Variants in R3HCC1 observed in about 807,000 individuals in gnomAD.
The protein encoded by R3HCC1 is R3H and coiled-coil domain-containing protein 1.
Under a neutral mutation model 40.0 loss-of-function variants are expected in R3HCC1, and 32 were observed. The observed-to-expected ratio is 0.80, with a 90% CI of 0.60 to 1.07. The LOEUF is 1.07. Among genes scored for constraint, R3HCC1 ranks in the 50% least tolerant of loss-of-function variants. R3HCC1 has a pLI of 0.00. For missense variants in R3HCC1, 586 were observed against 563.3 expected (o/e 1.04, Z -0.41); for synonymous variants, 237 against 232.8 (o/e 1.02, Z -0.17).
In R3HCC1 at chr8:23,288,922, G is replaced by A. The variant is rs1008720966; in HGVS notation, c.111-94G>A. On this transcript the variant is annotated intron_variant, in intron 2 of 7. Coordinates refer to ENST00000265806, the MANE Select transcript of R3HCC1 (RefSeq NM_001136108.3). ...ATCTGGGACCCAGAGGGGCAGAAGG[G>A]AGCCCAGTGTTAATCCGCGATTAAC... 5.8e-6 allele frequency: 8 copies of A among 1,371,908 alleles called. No individual in the cohort carries two copies. In the Admixed American group the frequency reaches 6.3e-5, roughly 11 times the overall value. 85.0% of individuals were successfully genotyped at this position (1,371,908 alleles called of 1,614,324 possible). A position where few individuals can be genotyped will look rare whatever the true frequency, so the allele number is the denominator to read the frequency against.
At chr8:23,294,000 G>T (rs567550543) in intron 6 of R3HCC1, among the ~76,000 whole-genome samples, 1 of 152,144 alleles carries the variant, frequency 6.6e-6, no homozygotes, top group Non-Finnish European at 1.5e-5. Flanking sequence ...CCCGCGCCAC[G>T]CCCCCTTTAC....
chr8:23,294,785 C>G lies in R3HCC1; in HGVS notation c.1113C>G (p.Thr371=), dbSNP rs887549885. ...TTTCCACAGCTGCGGAAGCCCTGACCCGGGAGTTCTCGGTGCTCAAGATCC... is the reference window on the plus strand; with the variant it reads ...TTTCCACAGCTGCGGAAGCCCTGACGCGGGAGTTCTCGGTGCTCAAGATCC... The change falls in exon 7 of 8, where the codon ACC becomes ACG. Residue 371 remains threonine, a synonymous_variant. Transcript: ENST00000265806. The G allele has an allele frequency of 1.4e-5, 21 of 1,551,090 alleles. No homozygotes were observed. The highest frequency in any genetic ancestry group is 1.7e-5 in the Non-Finnish European group (20 of 1,146,904).
chr8:23,291,748 T>C (rs1585333536), intron 5 of R3HCC1, among the ~76,000 whole-genome samples: 1 of 152,386 alleles, frequency 6.6e-6, no homozygotes, highest in East Asian at 1.9e-4. Context: ...AGACACACCC[T>C]GCAGGCCCTA....
In R3HCC1 at chr8:23,293,348, C is replaced by A. The variant is rs1307882091; in HGVS notation, c.1071C>A (p.Leu357=). 1 of 1,551,350 alleles carries A rather than the reference C, an allele frequency of 6.4e-7. No homozygotes were observed. Among genetic ancestry groups the A allele is most frequent in the Non-Finnish European group, 8.7e-7 (1 of 1,146,890 alleles). ...AGTGGGTGGATGATACTCACGCACT[C>A]GGCATCTTTCCCTGCCTGGCCTCAG... Residue 357 remains leucine (L), a synonymous_variant, in exon 6 of 8, where the codon CTC becomes CTA. Coordinates refer to ENST00000265806, the MANE Select transcript of R3HCC1 (RefSeq NM_001136108.3).
Position 23,293,620 on chromosome 8 carries a change from C to T in R3HCC1, c.1096+247C>T, listed in dbSNP as rs780104306. On this transcript the variant is annotated intron_variant, in intron 6 of 7. Transcript: ENST00000265806. ...TCAATGAAAAGGCATCAGATTCAGGCGACCTTTGCTGAGGAAGGTCGTGAG... is the reference window on the plus strand; with the variant it reads ...TCAATGAAAAGGCATCAGATTCAGGTGACCTTTGCTGAGGAAGGTCGTGAG... Among the ~76,000 whole-genome samples, 21 of 152,180 alleles carry T rather than the reference C, an allele frequency of 1.4e-4. No individual in the cohort carries two copies. Among genetic ancestry groups the T allele is most frequent in the Non-Finnish European group, 3.1e-4 (21 of 68,028 alleles).
At position 23,289,136 on chromosome 8, in the gene R3HCC1, C is replaced by G. The variant is rs61752498; in HGVS notation, c.231C>G (p.Ile77Met). The change falls in exon 3 of 8, where the codon ATC (isoleucine) becomes ATG (methionine). Residue 77 changes from isoleucine to methionine, a missense_variant. Transcript: ENST00000265806. ...AGGGCTGGAAGAGGAGGACGGTCAT[C>G]TGTCACCAGGACATCAGGTGTGTAG... 1.3e-6 allele frequency: 2 copies of G among 1,536,140 alleles called. No homozygotes were observed. The highest frequency in any genetic ancestry group is 2.7e-5 in the African/African-American group (2 of 73,060).
intron 5 of R3HCC1, 41 bp downstream of exon 5, chr8:23,291,574 T>G (rs1259828024): frequency 6.5e-7 from 1 of 1,545,340 alleles, no homozygotes. Flanking sequence ...AGAGAGGAGC[T>G]AAGATACTTC....
Position 23,296,042 on chromosome 8 carries a change from G to A in R3HCC1, c.1268G>A (p.Gly423Glu). Reference sequence around the variant, plus strand: ...CGGCGGCTGGTGGCCCGGGCCCTGGGACTCCAACACAAAAAGAAAGAGCGG... The same window carrying A: ...CGGCGGCTGGTGGCCCGGGCCCTGGAACTCCAACACAAAAAGAAAGAGCGG... Residue 423 changes from glycine (G) to glutamate (E), a missense_variant, in exon 8 of 8, where the codon GGA becomes GAA. Transcript: ENST00000265806. 28 of 1,550,646 alleles carry A rather than the reference G, an allele frequency of 1.8e-5. No homozygotes were observed. Among genetic ancestry groups the A allele is most frequent in the Non-Finnish European group, 2.4e-5 (28 of 1,146,814 alleles).
chr8:23,290,023 C>A lies in R3HCC1; in HGVS notation c.406C>A (p.Pro136Thr), dbSNP rs1484698222. ...GTATCGTGGACGCAAGCCTGACCAG[C>A]CTTTGTATGTGCCCCGGGTGCTGCG... The change falls in exon 4 of 8, where the codon CCT becomes ACT. Residue 136 changes from proline to threonine, a missense_variant. Physicochemically the swap from Pro to Thr is conservative, Grantham distance 38. Coordinates refer to ENST00000265806, the MANE Select transcript of R3HCC1 (RefSeq NM_001136108.3). The A allele has an allele frequency of 4.2e-5, 65 of 1,540,864 alleles. No homozygotes were observed. Among genetic ancestry groups the A allele is most frequent in the Non-Finnish European group, 5.7e-5 (65 of 1,146,908 alleles).
chr8:23,290,356 G>A lies in R3HCC1; in HGVS notation c.739G>A (p.Glu247Lys). 2 of 1,551,902 alleles carry A rather than the reference G, an allele frequency of 1.3e-6. No individual in the cohort carries two copies. Among genetic ancestry groups the A allele is most frequent in the Non-Finnish European group, 1.7e-6 (2 of 1,147,036 alleles). Residue 247 changes from glutamate (E) to lysine (K), a missense_variant, in exon 4 of 8, where the codon GAG becomes AAG. Glu to Lys is a moderately conservative substitution (Grantham distance 56). Coordinates refer to ENST00000265806, the MANE Select transcript of R3HCC1 (RefSeq NM_001136108.3). ...GCAGCTAGACCTGGAAAAGGGGAAG[G>A]AGAGTCTGTTGGAGAAGAGGCTGGT...
At chr8:23,293,404 C>G (rs776941051) in intron 6 of R3HCC1, 31 bp downstream of exon 6, 1 of 1,518,322 alleles carries the variant, frequency 6.6e-7, no homozygotes. Flanking sequence ...CCAGCCCTTG[C>G]TCGGATCCCT....
chr8:23,295,476 T>G lies in R3HCC1; in HGVS notation c.1193-491T>G, dbSNP rs73558402. On this transcript the variant is annotated intron_variant, in intron 7 of 7. Transcript: ENST00000265806. ...ACTTCCAGAAACCATGGTGAGAGAT[T>G]TTAGACACGAGTTTTCCATGACTTC... 9.1e-3 allele frequency: 4,178 copies of G among 457,384 alleles called. 148 individuals carry two copies. Among genetic ancestry groups the G allele is most frequent in the African/African-American group, 0.076 (3,791 of 50,184 alleles). 28.3% of individuals were successfully genotyped at this position (457,384 alleles called of 1,614,324 possible). A position where few individuals can be genotyped will look rare whatever the true frequency, so the allele number is the denominator to read the frequency against.
Position 23,290,189 on chromosome 8 carries a change from G to A in R3HCC1, c.572G>A (p.Gly191Glu). ...GGACTCCCTGTGCTGATGACTCAGG[G>A]AACAGAGGACCTAAAGGGCCCAGGA... The change falls in exon 4 of 8, where the codon GGA (glycine) becomes GAA (glutamate). Residue 191 changes from glycine to glutamate, a missense_variant. Coordinates refer to ENST00000265806, the MANE Select transcript of R3HCC1 (RefSeq NM_001136108.3). 1 of 1,551,760 alleles carries A rather than the reference G, an allele frequency of 6.4e-7. No individual in the cohort carries two copies. The highest frequency in any genetic ancestry group is 1.2e-5 in the South Asian group (1 of 84,064).
At chr8:23,288,302 C>T (rs1394569874) in intron 1 of R3HCC1, 145 bp downstream of exon 1, 5 of 1,108,196 alleles carry the variant, frequency 4.5e-6, no homozygotes, top group Admixed American at 3.0e-5. Context: ...AGCATCCGAC[C>T]GCAGGCGGGG....
At chr8:23,295,451 A>C (rs1487468520) in intron 7 of R3HCC1, 7 of 456,874 alleles carry the variant, frequency 1.5e-5, no homozygotes, top group Admixed American at 4.7e-5. Context: ...TTCCCCTTCT[A>C]CTTCCAGAAA....
chr8:23,288,772 T>C, intron 2 of R3HCC1, 139 bp downstream of exon 2: 1 of 1,123,928 alleles, frequency 8.9e-7, no homozygotes, highest in Non-Finnish European at 1.2e-6. Flanking sequence ...CAGCTGCCTC[T>C]TTTAGCTGCA....
At chr8:23,293,186 CT>C in intron 5 of R3HCC1, 116 bp from the exon 6 acceptor site, 3 of 757,358 alleles carry the variant, frequency 4.0e-6, no homozygotes, top group Non-Finnish European at 6.6e-6. Context: ...GAGATGGGAC[CT>C]TGCCTCAGGC....
intron 4 of R3HCC1, 91 bp from the exon 5 acceptor site, chr8:23,291,270 C>A: frequency 6.9e-7 from 1 of 1,455,334 alleles, no homozygotes. Flanking sequence ...AGGTGGGCCC[C>A]TTCTCCCTGC....
Position 23,289,062 on chromosome 8 carries a change from C to T in R3HCC1, c.157C>T (p.His53Tyr), listed in dbSNP as rs1802802774. 7.2e-6 allele frequency: 11 copies of T among 1,536,650 alleles called. No individual in the cohort carries two copies. The highest frequency in any genetic ancestry group is 9.6e-6 in the Non-Finnish European group (11 of 1,147,010). ...CTCCAGTCGCCTCCGGTACCTGATC[C>T]ATAGAACAGCAGAGAATTTTGATCT... The change falls in exon 3 of 8, where the codon CAT becomes TAT. Residue 53 changes from histidine (H) to tyrosine (Y), a missense_variant. Physicochemically the swap from His to Tyr is moderately conservative, Grantham distance 83 (BLOSUM62 2). Transcript: ENST00000265806.
Sources: allele counts gnomAD v4.1 joint callset (sites outside exome capture counted in the v4.1 genomes callset), GRCh38; gene constraint gnomAD v4.1.1; transcripts MANE v1.5; gene names NCBI Gene and HGNC (gene_info 2026-07-23, HGNC 2026-07-21).